The following FSCN2 variants were observed in gnomAD, a reference collection of about 807,000 sequenced individuals.
FSCN2 encodes fascin actin-bundling protein 2, retinal.
FSCN2 carries 46 observed loss-of-function variants against 37.8 expected under a neutral mutation model. The ratio of observed to expected loss-of-function variants is 1.22; its 90% CI spans 0.96 to 1.56. FSCN2 has a LOEUF of 1.56. FSCN2 is among the 40% of genes most tolerant of loss of function. The pLI is 0.00. For synonymous variants in FSCN2, 351 were observed against 309.4 expected, an observed-to-expected ratio of 1.13 and a Z score of -1.41; for missense variants, 844 against 730.4, an observed-to-expected ratio of 1.16 and a Z score of -1.79.
At position 81,528,706 on chromosome 17, in the gene FSCN2, C is replaced by T. The variant is rs782257166; in HGVS notation, c.175C>T (p.Leu59=). Residue 59 remains leucine (L), a synonymous_variant, in exon 1 of 5, where the codon CTG becomes TTG. Coordinates refer to ENST00000417245, the MANE Select transcript of FSCN2 (RefSeq NM_012418.4). ...CGACCCAGGACAAGGCACGGCTGTG[C>T]TGCTCCGCAGCAGCCACCTGGGCCG... The part of the protein sequence containing the change: ...EPDPGQGTAV[L]LRSSHLGRYL... The T allele has an allele frequency of 9.4e-6, 15 of 1,599,848 alleles. No individual in the cohort carries two copies. In the South Asian group the frequency reaches 1.2e-4, roughly 13 times the overall value.
In FSCN2 at chr17:81,536,170, G is replaced by A. The variant is rs1034413276; in HGVS notation, c.1008G>A (p.Met336Ile). The A allele has an allele frequency of 1.2e-6, 2 of 1,605,980 alleles. No homozygotes were observed. Among genetic ancestry groups the A allele is most frequent in the African/African-American group, 1.3e-5 (1 of 74,802 alleles). The change falls in exon 3 of 5, where the codon ATG becomes ATA. Residue 336 changes from methionine to isoleucine, a missense_variant. By Grantham distance (10) the Met-to-Ile change is conservative. Coordinates refer to ENST00000417245, the MANE Select transcript of FSCN2 (RefSeq NM_012418.4). The stretch of plus-strand genomic sequence containing the variant: ...GTTCTGCCAACACCATGTTTGAGAT[G>A]GAGTGGCGTGGCCGGCGGGTAGCAC... ...TQVSANTMFEMEWRGRRVALK... is the reference protein window; with the variant it reads ...TQVSANTMFEIEWRGRRVALK...
upstream of FSCN2, chr17:81,528,308 C>G: frequency 1.7e-6 from 1 of 572,998 alleles, no homozygotes; most frequent in Non-Finnish European, 3.1e-6. Context: ...CGTCTCTGAT[C>G]CGCCCTCCCC....
upstream of FSCN2, chr17:81,527,014 C>G (rs2032371461): frequency 6.6e-6 from 1 of 152,202 alleles, no homozygotes; most frequent in South Asian, 2.1e-4. Flanking sequence ...AGCGTGGGGA[C>G]AGTGGGGACA....
the FSCN2 span, among the ~76,000 whole-genome samples, chr17:81,517,434 C>G: frequency 6.6e-6 from 1 of 152,348 alleles, no homozygotes; most frequent in South Asian, 2.1e-4. Context: ...CCCGTGTGGA[C>G]AGGAAGTCTG....
chr17:81,525,208 C>T (rs879972735), upstream of FSCN2, among the ~76,000 whole-genome samples: 1 of 148,734 alleles, frequency 6.7e-6, no homozygotes, highest in Non-Finnish European at 1.5e-5. Flanking sequence ...GGTGGATCAC[C>T]TGAGGTCAGG....
chr17:81,529,383 C>G (rs782342614), intron 1 of FSCN2, 26 bp downstream of exon 1: 4 of 1,507,530 alleles, frequency 2.7e-6, no homozygotes, highest in Non-Finnish European at 3.6e-6. Flanking sequence ...GTGGCGACCT[C>G]CTGAGGGGTG....
intron 1 of FSCN2, among the ~76,000 whole-genome samples, chr17:81,532,340 G>T (rs1226827778): frequency 2.0e-5 from 3 of 150,122 alleles, no homozygotes; most frequent in African/African-American, 5.0e-5. Context: ...TGATGGTGAT[G>T]ATGATGATAG....
At chr17:81,523,622 C>G (rs2032267521), upstream of FSCN2, 1 of 152,518 alleles carries the variant, frequency 6.6e-6, no homozygotes. Context: ...GGCACGGGGA[C>G]AAGGGGGAGG....
intron 1 of FSCN2, chr17:81,530,740 G>A (rs2032523527): frequency 1.8e-5 from 7 of 387,924 alleles, no homozygotes; most frequent in South Asian, 1.3e-4. Flanking sequence ...CATGGAGAGG[G>A]GAGCCCAGCC....
the FSCN2 span, among the ~76,000 whole-genome samples, chr17:81,518,511 A>G: frequency 3.9e-5 from 6 of 152,108 alleles, no homozygotes; most frequent in Admixed American, 6.5e-5. Context: ...GCCGATTCGC[A>G]GCTGCCTCCT....
the FSCN2 span, among the ~76,000 whole-genome samples, chr17:81,515,650 C>T: frequency 6.6e-6 from 1 of 152,260 alleles, no homozygotes; most frequent in African/African-American, 2.4e-5. Context: ...GCTCCTTGCC[C>T]TGTTCCTCCC....
rs1270063163 is a variant in FSCN2, at chr17:81,535,075, G to A, written c.850G>A (p.Asp284Asn). Residue 284 changes from aspartate (D) to asparagine (N), a missense_variant, in exon 2 of 5, where the codon GAT (aspartate) becomes AAT (asparagine). Physicochemically the swap from Asp to Asn is conservative, Grantham distance 23. Coordinates refer to ENST00000417245, the MANE Select transcript of FSCN2 (RefSeq NM_012418.4). Reference sequence around the variant, plus strand: ...AGGGGTCAACGTCTCAGCCAATCAGGATGATGAACTAGACCACGAGACCTT... The same window carrying A: ...AGGGGTCAACGTCTCAGCCAATCAGAATGATGAACTAGACCACGAGACCTT... Reference protein sequence around the residue: ...RQGVNVSANQDDELDHETFLM... With the variant: ...RQGVNVSANQNDELDHETFLM... 6.5e-7 allele frequency: 1 copy of A among 1,533,054 alleles called. No individual in the cohort carries two copies. Among genetic ancestry groups the A allele is most frequent in the Non-Finnish European group, 8.7e-7 (1 of 1,144,978 alleles). 95.0% of individuals were successfully genotyped at this position (1,533,054 alleles called of 1,614,324 possible).
In FSCN2 at chr17:81,529,229, G is replaced by A. The variant is rs1555670808; in HGVS notation, c.698G>A (p.Gly233Glu). 2 of 1,599,178 alleles carry A rather than the reference G, an allele frequency of 1.3e-6. No individual in the cohort carries two copies. The highest frequency in any genetic ancestry group is 1.7e-6 in the Non-Finnish European group (2 of 1,172,528). Residue 233 changes from glycine to glutamate, a missense_variant, in exon 1 of 5, where the codon GGG (glycine) becomes GAG (glutamate). Gly to Glu is a moderately conservative substitution (Grantham distance 98). Transcript: ENST00000417245. ...DCDGHYLAPV[G>E]PAGTLKAGRN... The stretch of plus-strand genomic sequence containing the variant: ...GACGGCCACTACCTGGCACCCGTGG[G>A]GCCCGCAGGCACCCTCAAGGCCGGC...
Position 81,537,126 on chromosome 17 carries a change from C to A in FSCN2, c.*46C>A. The A allele has an allele frequency of 7.5e-7, 1 of 1,337,428 alleles. No homozygotes were observed. Among genetic ancestry groups the A allele is most frequent in the Non-Finnish European group, 9.7e-7 (1 of 1,035,438 alleles). The allele number at this position is 1,337,428 out of a possible 1,614,324, so 82.8% of individuals were successfully genotyped here. ...GTCGCGCATTAAAACCGTGTCTCTCCCGCAGCTGTGGGTGGGCCCCGGGGC... is the reference window on the plus strand; with the variant it reads ...GTCGCGCATTAAAACCGTGTCTCTCACGCAGCTGTGGGTGGGCCCCGGGGC... On this transcript the variant is annotated 3_prime_UTR_variant, in exon 5 of 5. Coordinates refer to ENST00000417245, the MANE Select transcript of FSCN2 (RefSeq NM_012418.4).
At chr17:81,535,308 ACCACCC>A (rs1380498324) in intron 2 of FSCN2, 100 bp downstream of exon 2, 6 of 495,072 alleles carry the variant, frequency 1.2e-5, no homozygotes, top group South Asian at 9.3e-5. Flanking sequence ...CTCCATCCCC[ACCACCC>A]CCACCCCCAC....
At chr17:81,516,068 T>G in the FSCN2 span, among the ~76,000 whole-genome samples, 1 of 152,248 alleles carries the variant, frequency 6.6e-6, no homozygotes, top group African/African-American at 2.4e-5. Context: ...TGGCCTGAAC[T>G]CCTGACCTTA....
chr17:81,531,534 G>GTGATGATGGTGA (rs2032602014), intron 1 of FSCN2, among the ~76,000 whole-genome samples: 1 of 88,756 alleles, frequency 1.1e-5, no homozygotes, highest in African/African-American at 3.9e-5. Context: ...GATGGCGATG[G>GTGATGATGGTGA]TGGTGATGAT....
chr17:81,532,059 GTGATGATAGTGA>G, intron 1 of FSCN2, among the ~76,000 whole-genome samples: 1 of 128,672 alleles, frequency 7.8e-6, no homozygotes, highest in East Asian at 2.6e-4. Flanking sequence ...GATGGTGATG[GTGATGATAGTGA>G]TGGTGGTGAT....
chr17:81,520,071 G>C, the FSCN2 span, among the ~76,000 whole-genome samples: 4 of 152,196 alleles, frequency 2.6e-5, no homozygotes, highest in Non-Finnish European at 5.9e-5. Context: ...GCCTTCCCAG[G>C]GCTGGGCCAG....
Sources: allele counts gnomAD v4.1 joint callset (sites outside exome capture counted in the v4.1 genomes callset), GRCh38; gene constraint gnomAD v4.1.1; transcripts MANE v1.5; gene names NCBI Gene and HGNC (gene_info 2026-07-23, HGNC 2026-07-21).